RANBP2: variants seen among roughly 807,000 people sequenced by gnomAD.
RANBP2 encodes RAN binding protein 2.
RANBP2 carries 57 observed loss-of-function variants against 303.6 expected under a neutral mutation model. That is an observed-to-expected ratio of 0.19 (90% confidence interval 0.15 to 0.23). The LOEUF is 0.23. Among genes scored for constraint, RANBP2 ranks in the 10% least tolerant of loss-of-function variants. The pLI, the probability that RANBP2 is intolerant of heterozygous loss-of-function variation, is 1.00. For synonymous variants in RANBP2, 1,167 were observed against 1,301.5 expected, an observed-to-expected ratio of 0.90 and a Z score of 2.23; for missense variants, 3,138 against 3,780.8, an observed-to-expected ratio of 0.83 and a Z score of 4.46.
chr2:109,302,552 A>T, the RANBP2 span, among the ~76,000 whole-genome samples: 1 of 152,248 alleles, frequency 6.6e-6, no homozygotes, highest in Non-Finnish European at 1.5e-5. Context: ...GGACCAGGCC[A>T]GAGACCCTGT....
At chr2:109,614,479 C>T in the RANBP2 span, 13 of 1,224,740 alleles carry the variant, frequency 1.1e-5, no homozygotes, top group Non-Finnish European at 1.3e-5. Context: ...GGGGGAGCAG[C>T]GCGGTCGAGG....
At chr2:109,053,882 C>T in the RANBP2 span, among the ~76,000 whole-genome samples, 40 of 152,258 alleles carry the variant, frequency 2.6e-4, no homozygotes, top group East Asian at 5.8e-3. Context: ...TGCCTGGCAC[C>T]GGCTCACAGG....
the RANBP2 span, among the ~76,000 whole-genome samples, chr2:109,001,838 C>T: frequency 2.6e-5 from 4 of 152,118 alleles, no homozygotes; most frequent in Non-Finnish European, 5.9e-5. Context: ...TCATGCCATT[C>T]TCCTGCCTCA....
At chr2:109,160,317 T>C in the RANBP2 span, among the ~76,000 whole-genome samples, 1 of 152,190 alleles carries the variant, frequency 6.6e-6, no homozygotes, top group Non-Finnish European at 1.5e-5. Context: ...GAGGGCTTTC[T>C]TGGGGTGCAG....
At chr2:108,795,698 G>C in the RANBP2 span, among the ~76,000 whole-genome samples, 2 of 152,126 alleles carry the variant, frequency 1.3e-5, no homozygotes, top group African/African-American at 4.8e-5. Flanking sequence ...GACTTAATCT[G>C]GTCTTTGACT....
the RANBP2 span, among the ~76,000 whole-genome samples, chr2:108,902,403 A>T: frequency 6.6e-6 from 1 of 151,900 alleles, no homozygotes; most frequent in African/African-American, 2.4e-5. Context: ...AAACAAAAAA[A>T]CCTCCCCAAA....
chr2:109,302,114 A>C, the RANBP2 span, among the ~76,000 whole-genome samples: 1 of 152,196 alleles, frequency 6.6e-6, no homozygotes, highest in Non-Finnish European at 1.5e-5. Flanking sequence ...ATAGCAGAGA[A>C]TGGAGAGGCT....
chr2:109,555,101 T>C, the RANBP2 span, among the ~76,000 whole-genome samples: 2 of 152,122 alleles, frequency 1.3e-5, no homozygotes, highest in Non-Finnish European at 1.5e-5. Context: ...AGTTCCTCTT[T>C]CTTTCACTTT....
chr2:109,603,915 A>G, the RANBP2 span, among the ~76,000 whole-genome samples: 1 of 152,094 alleles, frequency 6.6e-6, no homozygotes, highest in East Asian at 2.0e-4. Context: ...TAATCCCAGC[A>G]CTTTGGGAGG....
At chr2:109,366,929 T>A in the RANBP2 span, among the ~76,000 whole-genome samples, 171 of 152,296 alleles carry the variant, frequency 1.1e-3, no homozygotes, top group Non-Finnish European at 2.1e-3. Flanking sequence ...ATACCAGCGA[T>A]CAGGACTGGG....
the RANBP2 span, among the ~76,000 whole-genome samples, chr2:109,420,705 T>A: frequency 6.6e-6 from 1 of 152,072 alleles, no homozygotes; most frequent in African/African-American, 2.4e-5. Context: ...TTGGCCTCCC[T>A]AAATGCTGGG....
chr2:109,676,580 G>A, the RANBP2 span, among the ~76,000 whole-genome samples: 1 of 152,152 alleles, frequency 6.6e-6, no homozygotes, highest in Non-Finnish European at 1.5e-5. Context: ...AAAGCACCTC[G>A]GGGCAGCCAC....
At chr2:108,902,624 G>T in the RANBP2 span, among the ~76,000 whole-genome samples, 1 of 152,024 alleles carries the variant, frequency 6.6e-6, no homozygotes, top group Non-Finnish European at 1.5e-5. Context: ...GAATATAAAT[G>T]CAAAATCCTT....
At chr2:108,973,535 C>T in the RANBP2 span, among the ~76,000 whole-genome samples, 1 of 152,200 alleles carries the variant, frequency 6.6e-6, no homozygotes, top group African/African-American at 2.4e-5. Flanking sequence ...TCTTTCTTGA[C>T]TGCCATGGAC....
intron 28 of RANBP2, 123 bp downstream of exon 28, chr2:108,782,985 C>T: frequency 1.1e-6 from 1 of 906,108 alleles, no homozygotes; most frequent in Non-Finnish European, 1.7e-6. Flanking sequence ...TTAGGTTTTC[C>T]ACACATGGAA....
the RANBP2 span, among the ~76,000 whole-genome samples, chr2:109,381,373 G>A: frequency 6.6e-6 from 1 of 152,158 alleles, no homozygotes; most frequent in African/African-American, 2.4e-5. Context: ...GGTCAATGGC[G>A]GGGTTACTTT....
chr2:109,203,109 GGTGCCCTGGGCCTGTCCGTGTCC>G, the RANBP2 span, among the ~76,000 whole-genome samples: 4 of 152,220 alleles, frequency 2.6e-5, no homozygotes, highest in South Asian at 8.3e-4. Context: ...GGCCCTGCAC[GGTGCCCTGGGCCTGTCCGTGTCC>G]TCAGCAGTCA....
the RANBP2 span, among the ~76,000 whole-genome samples, chr2:109,249,588 C>CTTTTCTTTCTTTCTTTCTTTT: frequency 1.5e-5 from 2 of 134,584 alleles, no homozygotes; most frequent in African/African-American, 6.1e-5. Flanking sequence ...TCCTTCCTTT[C>CTTTTCTTTCTTTCTTTCTTTT]CTTTCTTTCT....
At chr2:109,695,573 C>T in the RANBP2 span, among the ~76,000 whole-genome samples, 1 of 152,174 alleles carries the variant, frequency 6.6e-6, no homozygotes, top group Non-Finnish European at 1.5e-5. Flanking sequence ...CCCACTGATA[C>T]TACCTTGGTG....
Sources: allele counts gnomAD v4.1 joint callset (sites outside exome capture counted in the v4.1 genomes callset), GRCh38; gene constraint gnomAD v4.1.1; transcripts MANE v1.5; gene names NCBI Gene and HGNC (gene_info 2026-07-23, HGNC 2026-07-21).